Variants in PRR11 observed in about 807,000 individuals in gnomAD.
PRR11 encodes the protein proline-rich protein 11.
In PRR11, 30 loss-of-function variants were observed where a neutral mutation model predicts 45.6. The ratio of observed to expected loss-of-function variants is 0.66; its 90% CI spans 0.49 to 0.89. PRR11 has a LOEUF of 0.89. Among genes scored for constraint, PRR11 ranks in the 40% least tolerant of loss-of-function variants. PRR11 has a pLI of 0.00. For missense variants in PRR11, 373 were observed against 424.8 expected (o/e 0.88, Z 1.07); for synonymous variants, 128 against 153.5 (o/e 0.83, Z 1.23).
At chr17:59,159,577 G>A (rs1251367361) in intron 1 of PRR11, among the ~76,000 whole-genome samples, 1 of 152,132 alleles carries the variant, frequency 6.6e-6, no homozygotes, top group East Asian at 1.9e-4. Context: ...AGAAATACGA[G>A]CATGACAATT....
chr17:59,187,906 G>A (rs2046821823), intron 4 of PRR11, among the ~76,000 whole-genome samples: 1 of 150,378 alleles, frequency 6.6e-6, no homozygotes, highest in Admixed American at 6.7e-5. Context: ...TGTGGTACCA[G>A]TGACAAAGCC....
intron 2 of PRR11, chr17:59,179,527 C>G: frequency 7.5e-7 from 1 of 1,334,090 alleles, no homozygotes; most frequent in Admixed American, 2.1e-5. Flanking sequence ...CTTCTGAGTC[C>G]TCCCGCATGG....
chr17:59,168,419 C>G (rs2046690221), intron 1 of PRR11, among the ~76,000 whole-genome samples: 1 of 152,206 alleles, frequency 6.6e-6, no homozygotes, highest in South Asian at 2.1e-4. Flanking sequence ...ATCTGCCCAC[C>G]TCGGCCTCCC....
intron 1 of PRR11, among the ~76,000 whole-genome samples, chr17:59,169,093 CT>C (rs780548478): frequency 0.013 from 1,425 of 106,708 alleles, 5 homozygotes; most frequent in African/African-American, 0.043. Context: ...GAAACATATT[CT>C]TTTTTTTTTT....
At chr17:59,168,051 C>T (rs191590603) in intron 1 of PRR11, among the ~76,000 whole-genome samples, 1 of 152,186 alleles carries the variant, frequency 6.6e-6, no homozygotes, top group African/African-American at 2.4e-5. Context: ...ATCCTTTAAC[C>T]AATCTTTCCC....
At chr17:59,194,660 C>A in intron 5 of PRR11, 97 bp from the exon 6 acceptor site, 1 of 811,826 alleles carries the variant, frequency 1.2e-6, no homozygotes, top group Non-Finnish European at 2.0e-6. Context: ...ATAAGAGTTA[C>A]CTCTTAACTC....
chr17:59,158,085 A>T (rs1387728600), intron 1 of PRR11, among the ~76,000 whole-genome samples: 1 of 152,178 alleles, frequency 6.6e-6, no homozygotes, highest in African/African-American at 2.4e-5. Flanking sequence ...TCTAGATCTC[A>T]TTTTGTTTTA....
intron 9 of PRR11, among the ~76,000 whole-genome samples, chr17:59,199,987 G>C (rs956951602): frequency 7.9e-5 from 12 of 152,146 alleles, no homozygotes; most frequent in Admixed American, 6.6e-5. Context: ...TTTCTGTTTA[G>C]CTCTAAGATC....
intron 3 of PRR11, 48 bp from the exon 4 acceptor site, chr17:59,185,392 C>T: frequency 6.4e-7 from 1 of 1,566,294 alleles, no homozygotes; most frequent in South Asian, 1.2e-5. Flanking sequence ...TTTTCTTGTC[C>T]TTATCATATT....
chr17:59,174,070 A>G (rs1201015276), intron 2 of PRR11, among the ~76,000 whole-genome samples: 1 of 152,214 alleles, frequency 6.6e-6, no homozygotes, highest in Non-Finnish European at 1.5e-5. Flanking sequence ...CTTCTGAACC[A>G]TCGTGTTCAG....
At chr17:59,186,908 C>A (rs1400335098) in intron 4 of PRR11, among the ~76,000 whole-genome samples, 4 of 152,038 alleles carry the variant, frequency 2.6e-5, no homozygotes, top group Non-Finnish European at 5.9e-5. Flanking sequence ...GGAATACAAG[C>A]CAGGTACAGT....
chr17:59,183,351 G>A (rs2046798352), intron 2 of PRR11, among the ~76,000 whole-genome samples: 1 of 152,144 alleles, frequency 6.6e-6, no homozygotes, highest in Non-Finnish European at 1.5e-5. Flanking sequence ...GAGAGGGAGG[G>A]TGGGAAAGAA....
chr17:59,171,211 C>T (rs1289555168), intron 2 of PRR11, among the ~76,000 whole-genome samples: 2 of 151,476 alleles, frequency 1.3e-5, no homozygotes, highest in Non-Finnish European at 2.9e-5. Flanking sequence ...TGCAGTGAGC[C>T]GAGACAGTGC....
intron 2 of PRR11, among the ~76,000 whole-genome samples, chr17:59,180,112 T>G (rs2046773161): frequency 6.6e-6 from 1 of 150,462 alleles, no homozygotes; most frequent in East Asian, 2.0e-4. Flanking sequence ...TCATCCCTAG[T>G]TCTCTGAGTC....
chr17:59,184,232 G>A (rs2147848763), intron 2 of PRR11, among the ~76,000 whole-genome samples: 1 of 152,270 alleles, frequency 6.6e-6, no homozygotes, highest in African/African-American at 2.4e-5. Flanking sequence ...GAGGCCAAAG[G>A]AAGTGGATCA....
At chr17:59,172,936 A>G (rs1026671130) in intron 2 of PRR11, among the ~76,000 whole-genome samples, 1 of 152,244 alleles carries the variant, frequency 6.6e-6, no homozygotes, top group African/African-American at 2.4e-5. Context: ...GGCAGCTCCA[A>G]CTGCCCTCCC....
rs1353013201 is a variant in PRR11 at position 59,202,179 on chromosome 17, G to A, written c.*548G>A. The A allele has an allele frequency of 6.5e-6, 1 of 154,066 alleles. No individual in the cohort carries two copies. 9.5% of individuals were successfully genotyped at this position (154,066 alleles called of 1,614,324 possible). A position where few individuals can be genotyped will look rare whatever the true frequency, so the allele number is the denominator to read the frequency against. On this transcript the variant is annotated 3_prime_UTR_variant, in exon 10 of 10. Coordinates refer to ENST00000262293, the MANE Select transcript of PRR11 (RefSeq NM_018304.4). ...GATGGGAAAATACAATCTCCAAAGTGATGTTTATCCTGGAATTACCCAATT... is the reference window on the plus strand; with the variant it reads ...GATGGGAAAATACAATCTCCAAAGTAATGTTTATCCTGGAATTACCCAATT...
intron 3 of PRR11, 46 bp from the exon 4 acceptor site, chr17:59,185,394 T>C: frequency 6.4e-7 from 1 of 1,571,612 alleles, no homozygotes; most frequent in African/African-American, 1.4e-5. Flanking sequence ...TTCTTGTCCT[T>C]ATCATATTAC....
rs139176516 is a variant in PRR11, at chr17:59,165,957, A to G, written c.-5-3791A>G. On this transcript the variant is annotated intron_variant, in intron 1 of 9. Transcript: ENST00000262293. ...TGGTGTGTTTTCTAAGCCCGTAAGG[A>G]CAATTAAGAAAAGCACCTTGTCAAA... Among the ~76,000 whole-genome samples the G allele has an allele frequency of 6.2e-4, 95 of 152,330 alleles. 2 individuals carry two copies. The highest frequency in any genetic ancestry group is 2.2e-3 in the African/African-American group (91 of 41,566).
Sources: gnomAD v4.1 joint callset for allele counts (sites outside exome capture counted in the v4.1 genomes callset) on GRCh38, gnomAD v4.1.1 for gene constraint, MANE v1.5 for transcripts, NCBI Gene and HGNC (gene_info 2026-07-23, HGNC 2026-07-21) for gene names.